Variants in ANKRD36 observed in about 807,000 individuals in gnomAD.
The protein encoded by ANKRD36 is ankyrin repeat domain-containing protein 36A.
A neutral mutation model predicts 278.1 loss-of-function variants in ANKRD36; 179 were observed. The ratio of observed to expected loss-of-function variants is 0.64; its 90% CI spans 0.57 to 0.73. ANKRD36 has a LOEUF of 0.73. Among genes scored for constraint, ANKRD36 ranks in the 30% least tolerant of loss-of-function variants. The pLI is 0.00. For synonymous variants in ANKRD36, 320 were observed against 641.1 expected (o/e 0.50, Z 7.57); for missense variants, 1,159 against 1,956.7 (o/e 0.59, Z 7.69).
chr2:97,226,311 G>A (rs2069591363), intron 67 of ANKRD36, among the ~76,000 whole-genome samples: 1 of 152,040 alleles, frequency 6.6e-6, no homozygotes, highest in African/African-American at 2.4e-5. Context: ...TTTAATGATT[G>A]CCATCCTAAC....
chr2:97,181,576 A>G (rs751088375), intron 24 of ANKRD36, 22 bp from the exon 25 acceptor site: 6 of 1,603,372 alleles, frequency 3.7e-6, no homozygotes, highest in Non-Finnish European at 5.1e-6. Context: ...GTGAGTGATT[A>G]TGTTTCCCTT....
Position 97,196,592 on chromosome 2 carries a change from G to A in ANKRD36, c.2552-1G>A. ...GATTATGAATCCCTTTTGCTTTTCA[G>A]TGTCTTCTCAGAAACCACCAACCTT... On this transcript the variant is annotated splice_acceptor_variant, in intron 40 of 75. Coordinates refer to ENST00000420699, the MANE Select transcript of ANKRD36 (RefSeq NM_001354587.1). LOFTEE classifies it high-confidence loss of function. The A allele has an allele frequency of 1.9e-6, 3 of 1,604,684 alleles. No individual in the cohort carries two copies. Among genetic ancestry groups the A allele is most frequent in the Non-Finnish European group, 2.5e-6 (3 of 1,178,714 alleles).
Position 97,207,983 on chromosome 2 carries a change from A to C in ANKRD36, c.3242A>C (p.Lys1081Thr). Reference sequence around the variant, plus strand: ...GTTTTGAATATAGCCAGAGGAAAAAAGTATGGAGAAAAAACTAAGAGAGGT... The same window carrying C: ...GTTTTGAATATAGCCAGAGGAAAAACGTATGGAGAAAAAACTAAGAGAGGT... Reference protein sequence around the residue: ...DSVLNIARGKKYGEKTKRVSS... With the variant: ...DSVLNIARGKTYGEKTKRVSS... The change falls in exon 54 of 76, where the codon AAG (lysine) becomes ACG (threonine). Residue 1081 changes from lysine to threonine, a missense_variant. Coordinates refer to ENST00000420699, the MANE Select transcript of ANKRD36 (RefSeq NM_001354587.1). 1 of 1,523,354 alleles carries C rather than the reference A, an allele frequency of 6.6e-7. No homozygotes were observed. The highest frequency in any genetic ancestry group is 8.8e-7 in the Non-Finnish European group (1 of 1,132,782). The allele number at this position is 1,523,354 out of a possible 1,614,324, so 94.4% of individuals were successfully genotyped here.
At chr2:97,180,063 T>C (rs2055690047) in intron 24 of ANKRD36, 130 bp downstream of exon 24, 1 of 1,385,898 alleles carries the variant, frequency 7.2e-7, no homozygotes, top group African/African-American at 1.4e-5. Context: ...ATTCTTCATT[T>C]GTAGTGAGTT....
At chr2:97,218,982 T>C in intron 64 of ANKRD36, 68 bp from the exon 65 acceptor site, 1 of 1,535,810 alleles carries the variant, frequency 6.5e-7, no homozygotes, top group South Asian at 1.2e-5. Flanking sequence ...ATGCTAACAC[T>C]CCACGAATGT....
chr2:97,180,396 G>A (rs1326416307), intron 24 of ANKRD36, among the ~76,000 whole-genome samples: 12 of 151,560 alleles, frequency 7.9e-5, no homozygotes, highest in South Asian at 4.2e-4. Flanking sequence ...CAAGGAAGAG[G>A]GATTGTGAGG....
At position 97,191,002 on chromosome 2, in the gene ANKRD36, T is replaced by C. The variant is rs1180110039; in HGVS notation, c.2270T>C (p.Leu757Ser). ...GTVSSQKQPA[L>S]KATTDEKDSV... ...GTGTCTTCTCAGAAACAACCAGCCT[T>C]GAAGGTAATTAAACTCTCATTTATA... is the stretch of plus-strand genomic sequence containing the variant. The change falls in exon 35 of 76, where the codon TTG becomes TCG. Residue 757 changes from leucine (L) to serine (S), a missense_variant. By Grantham distance (145) the Leu-to-Ser change is moderately radical. Coordinates refer to ENST00000420699, the MANE Select transcript of ANKRD36 (RefSeq NM_001354587.1). The C allele has an allele frequency of 1.2e-6, 2 of 1,604,950 alleles. No homozygotes were observed. The highest frequency in any genetic ancestry group is 2.7e-5 in the African/African-American group (2 of 74,538).
intron 38 of ANKRD36, among the ~76,000 whole-genome samples, 198 bp from the exon 39 acceptor site, chr2:97,194,528 G>C (rs979408177): frequency 4.0e-5 from 6 of 151,472 alleles, no homozygotes; most frequent in Middle Eastern, 3.2e-3. Flanking sequence ...AAATTGTAAG[G>C]GTATATTTCA....
At chr2:97,147,850 A>G (rs1280031320) in intron 11 of ANKRD36, among the ~76,000 whole-genome samples, 5 of 151,944 alleles carry the variant, frequency 3.3e-5, no homozygotes, top group African/African-American at 1.2e-4. Context: ...TTTGATAAAG[A>G]TAAGGGAAAT....
At position 97,143,094 on chromosome 2, in the gene ANKRD36, G is replaced by A. The variant is rs1264112081; in HGVS notation, c.901+259G>A. Among the ~76,000 whole-genome samples the A allele has an allele frequency of 2.0e-5, 3 of 151,832 alleles. No homozygotes were observed. In the Admixed American group the frequency reaches 2.0e-4, roughly 10 times the overall value. On this transcript the variant is annotated intron_variant, in intron 8 of 75. Coordinates refer to ENST00000420699, the MANE Select transcript of ANKRD36 (RefSeq NM_001354587.1). ...CAGTGCAAGATATAACAGGCAAAGG[G>A]ACAGCATATTCTTACTTTAATTCTA... is the stretch of plus-strand genomic sequence containing the variant.
intron 67 of ANKRD36, among the ~76,000 whole-genome samples, chr2:97,229,170 G>C: frequency 6.6e-6 from 1 of 151,532 alleles, no homozygotes; most frequent in Non-Finnish European, 1.5e-5. Flanking sequence ...GTGCAGAGCT[G>C]AGTTCAATTC....
At chr2:97,127,824 C>T (rs1321139365) in intron 6 of ANKRD36, among the ~76,000 whole-genome samples, 2 of 151,868 alleles carry the variant, frequency 1.3e-5, no homozygotes, top group African/African-American at 2.4e-5. Context: ...ATTTGTTTTA[C>T]TTAATTTTTT....
chr2:97,200,654 A>G (rs2061104958), intron 46 of ANKRD36, 129 bp downstream of exon 46: 30 of 1,435,510 alleles, frequency 2.1e-5, no homozygotes, highest in Non-Finnish European at 2.8e-5. Context: ...CTTCTTTTCT[A>G]ACAAGTTCTT....
chr2:97,196,811 T>C (rs1371650740), intron 42 of ANKRD36, 23 bp downstream of exon 42: 2 of 1,544,456 alleles, frequency 1.3e-6, no homozygotes, highest in African/African-American at 1.4e-5. Flanking sequence ...ACAGATTTAA[T>C]GTCATGTTCA....
In ANKRD36 at chr2:97,152,342, C is replaced by T. The variant is rs1413937874; in HGVS notation, c.1163-162C>T. On this transcript the variant is annotated intron_variant, in intron 13 of 75. Transcript: ENST00000420699. ...ATAAGGATAGAGTCTTGCTATGTTA[C>T]CCAGGCTGGTCTCAAACTCCTTGGC... is the stretch of plus-strand genomic sequence containing the variant. Among the ~76,000 whole-genome samples the T allele has an allele frequency of 1.3e-5, 2 of 150,024 alleles. 1 individual carries two copies. The highest frequency in any genetic ancestry group is 3.0e-5 in the Non-Finnish European group (2 of 66,786).
At chr2:97,142,877 A>G (rs192610966) in intron 8 of ANKRD36, 42 bp downstream of exon 8, 1 of 1,520,730 alleles carries the variant, frequency 6.6e-7, no homozygotes, top group East Asian at 2.4e-5. Flanking sequence ...CACTCAGGAT[A>G]GAAGAGAACT....
At chr2:97,180,359 G>T (rs2055802267) in intron 24 of ANKRD36, among the ~76,000 whole-genome samples, 1 of 151,578 alleles carries the variant, frequency 6.6e-6, no homozygotes, top group Non-Finnish European at 1.5e-5. Flanking sequence ...GAGCTAAGAA[G>T]ACCACTGATG....
intron 46 of ANKRD36, among the ~76,000 whole-genome samples, chr2:97,200,815 ATCT>A (rs1315234508): frequency 6.6e-6 from 1 of 151,896 alleles, no homozygotes; most frequent in Non-Finnish European, 1.5e-5. Flanking sequence ...ATTCTGTAGC[ATCT>A]TTTCATTAAG....
intron 12 of ANKRD36, among the ~76,000 whole-genome samples, chr2:97,150,871 TGTTTTTTTTTTTTTC>T (rs2045756621): frequency 5.5e-4 from 19 of 34,460 alleles, no homozygotes; most frequent in African/African-American, 1.1e-3. Flanking sequence ...GGAATTTTAT[TGTTTTTTTTTTTTTC>T]TTTCCCCCTC....
Sources: allele counts gnomAD v4.1 joint callset (sites outside exome capture counted in the v4.1 genomes callset), GRCh38; gene constraint gnomAD v4.1.1; transcripts MANE v1.5; gene names NCBI Gene and HGNC (gene_info 2026-07-23, HGNC 2026-07-21).